The following ATP6V1H variants were observed in gnomAD, a reference collection of about 807,000 sequenced individuals.
ATP6V1H encodes ATPase H+ transporting V1 subunit H.
Under a neutral mutation model 71.7 loss-of-function variants are expected in ATP6V1H, and 39 were observed. That is an observed-to-expected ratio of 0.54 (90% confidence interval 0.42 to 0.71). ATP6V1H has a LOEUF of 0.71. Ranked by LOEUF, ATP6V1H falls within the 30% of genes least tolerant of loss-of-function variation. The pLI is 0.00. For missense variants in ATP6V1H, 509 were observed against 594.9 expected (o/e 0.86, Z 1.50); for synonymous variants, 192 against 199.3 (o/e 0.96, Z 0.31).
At chr8:53,776,386 A>G (rs1808892202) in intron 9 of ATP6V1H, among the ~76,000 whole-genome samples, 1 of 152,336 alleles carries the variant, frequency 6.6e-6, no homozygotes, top group East Asian at 1.9e-4. Flanking sequence ...AAGTGCCGCC[A>G]AAGTAGGAGC....
At chr8:53,790,478 G>A (rs1365439319) in intron 9 of ATP6V1H, among the ~76,000 whole-genome samples, 4 of 152,102 alleles carry the variant, frequency 2.6e-5, no homozygotes, top group African/African-American at 9.7e-5. Flanking sequence ...AGGCACCAAA[G>A]GTTCATTTAG....
intron 7 of ATP6V1H, among the ~76,000 whole-genome samples, chr8:53,809,320 C>A (rs1229259642): frequency 2.6e-5 from 4 of 152,146 alleles, no homozygotes; most frequent in African/African-American, 9.7e-5. Flanking sequence ...TATTAAGATT[C>A]CCCTATGGAA....
At chr8:53,760,830 C>A (rs1035081556) in intron 11 of ATP6V1H, among the ~76,000 whole-genome samples, 5 of 152,190 alleles carry the variant, frequency 3.3e-5, no homozygotes, top group African/African-American at 1.2e-4. Context: ...TTAGGCACAA[C>A]TGGCCACCAT....
chr8:53,767,338 T>C (rs535339225), intron 11 of ATP6V1H, among the ~76,000 whole-genome samples: 1 of 152,330 alleles, frequency 6.6e-6, no homozygotes, highest in East Asian at 1.9e-4. Context: ...AGAGGTAGCA[T>C]ATGAAAGCAC....
intron 7 of ATP6V1H, among the ~76,000 whole-genome samples, chr8:53,808,815 C>T (rs1220335531): frequency 6.7e-6 from 1 of 148,634 alleles, no homozygotes; most frequent in Non-Finnish European, 1.5e-5. Flanking sequence ...AAAAAAAAAA[C>T]AAAATGTTTG....
At chr8:53,842,082 T>C (rs574306577) in intron 1 of ATP6V1H, among the ~76,000 whole-genome samples, 3 of 152,332 alleles carry the variant, frequency 2.0e-5, no homozygotes, top group South Asian at 2.1e-4. Flanking sequence ...ACTTTTCTCA[T>C]AGAGAAACAA....
chr8:53,723,575 C>T (rs1806700384), intron 13 of ATP6V1H, among the ~76,000 whole-genome samples: 1 of 152,234 alleles, frequency 6.6e-6, no homozygotes, highest in Admixed American at 6.5e-5. Context: ...GGCCACTATG[C>T]ATGTCTCCAA....
intron 12 of ATP6V1H, among the ~76,000 whole-genome samples, chr8:53,755,948 G>A (rs1422707325): frequency 7.2e-5 from 10 of 138,916 alleles, no homozygotes; most frequent in South Asian, 2.3e-4. Context: ...TAGTAGAGAC[G>A]GGGTTTCACC....
At chr8:53,785,299 C>T (rs947486070) in intron 9 of ATP6V1H, among the ~76,000 whole-genome samples, 1 of 152,310 alleles carries the variant, frequency 6.6e-6, no homozygotes, top group Non-Finnish European at 1.5e-5. Context: ...CATCTTCCAT[C>T]GCTGATACCC....
At chr8:53,741,696 G>A (rs1218233538) in intron 13 of ATP6V1H, among the ~76,000 whole-genome samples, 2 of 152,204 alleles carry the variant, frequency 1.3e-5, no homozygotes, top group Admixed American at 6.5e-5. Flanking sequence ...TTTACTGACA[G>A]ACCTGAAGTT....
At chr8:53,772,413 G>A (rs1161302946) in intron 9 of ATP6V1H, among the ~76,000 whole-genome samples, 1 of 152,050 alleles carries the variant, frequency 6.6e-6, no homozygotes, top group Non-Finnish European at 1.5e-5. Context: ...TGACCCAGAT[G>A]AGCCCTACAA....
chr8:53,717,282 A>C (rs560173015), intron 13 of ATP6V1H, among the ~76,000 whole-genome samples: 11 of 152,382 alleles, frequency 7.2e-5, no homozygotes, highest in Non-Finnish European at 7.3e-5. Context: ...ACTGGGAATG[A>C]GGACAAGAAG....
intron 13 of ATP6V1H, among the ~76,000 whole-genome samples, chr8:53,735,443 C>A (rs1046902685): frequency 3.1e-4 from 47 of 152,238 alleles, no homozygotes; most frequent in Middle Eastern, 6.8e-3. Context: ...AAAGGTAAAA[C>A]ACATAAACTG....
At chr8:53,818,098 C>T (rs1353800166) in intron 4 of ATP6V1H, among the ~76,000 whole-genome samples, 2 of 152,194 alleles carry the variant, frequency 1.3e-5, no homozygotes, top group African/African-American at 4.8e-5. Context: ...TAGTTCCAAT[C>T]ATTAAAACTT....
intron 11 of ATP6V1H, among the ~76,000 whole-genome samples, chr8:53,765,309 G>A (rs769493699): frequency 7.9e-5 from 12 of 151,616 alleles, no homozygotes; most frequent in Non-Finnish European, 1.3e-4. Flanking sequence ...GGCTGAGGCT[G>A]GAGAATCTTG....
chr8:53,718,956 G>A (rs1051818357), intron 13 of ATP6V1H, among the ~76,000 whole-genome samples: 1 of 152,178 alleles, frequency 6.6e-6, no homozygotes, highest in African/African-American at 2.4e-5. Flanking sequence ...AGCAAGAGAA[G>A]AGCCCAGACA....
intron 11 of ATP6V1H, among the ~76,000 whole-genome samples, chr8:53,765,031 G>T (rs1199986814): frequency 2.0e-5 from 3 of 152,082 alleles, no homozygotes; most frequent in African/African-American, 7.2e-5. Context: ...CTTGAGCCCA[G>T]AAGTTTGATG....
intron 11 of ATP6V1H, among the ~76,000 whole-genome samples, chr8:53,760,439 A>G (rs1808230374): frequency 1.3e-5 from 2 of 152,302 alleles, no homozygotes; most frequent in African/African-American, 4.8e-5. Context: ...ATGCCAATGT[A>G]TAAAACCCCA....
intron 4 of ATP6V1H, among the ~76,000 whole-genome samples, chr8:53,821,367 C>A (rs1384872721): frequency 1.4e-5 from 2 of 138,166 alleles, no homozygotes; most frequent in Non-Finnish European, 3.1e-5. Context: ...AGCAAGACTC[C>A]ATCTCAAAAA....
Sources: gnomAD v4.1 joint callset for allele counts (sites outside exome capture counted in the v4.1 genomes callset) on GRCh38, gnomAD v4.1.1 for gene constraint, MANE v1.5 for transcripts, NCBI Gene and HGNC (gene_info 2026-07-23, HGNC 2026-07-21) for gene names.